TNFRSF10A: variants seen among roughly 807,000 people sequenced by gnomAD.
The protein encoded by TNFRSF10A is tumor necrosis factor receptor superfamily member 10A.
A neutral mutation model predicts 42.8 loss-of-function variants in TNFRSF10A; 44 were observed. The ratio of observed to expected loss-of-function variants is 1.03; its 90% CI spans 0.81 to 1.32. TNFRSF10A has a LOEUF of 1.32. Among genes scored for constraint, TNFRSF10A ranks in the 40% most tolerant of loss-of-function variants. TNFRSF10A has a pLI of 0.00. For synonymous variants in TNFRSF10A, 259 were observed against 234.2 expected (o/e 1.11, Z -0.97); for missense variants, 680 against 602.0 (o/e 1.13, Z -1.36).
intron 2 of TNFRSF10A, among the ~76,000 whole-genome samples, chr8:23,206,473 T>G (rs549070134): frequency 6.6e-6 from 1 of 152,366 alleles, no homozygotes; most frequent in South Asian, 2.1e-4. Flanking sequence ...TTCACATGTT[T>G]AGGAACTCAA....
chr8:23,214,748 G>T (rs1428087489), intron 1 of TNFRSF10A, among the ~76,000 whole-genome samples: 1 of 152,116 alleles, frequency 6.6e-6, no homozygotes, highest in Non-Finnish European at 1.5e-5. Flanking sequence ...ACATACACAC[G>T]CTTTTACTAA....
Position 23,190,851 on chromosome 8 carries a change from G to GT in TNFRSF10A, c.*842dup, listed in dbSNP as rs1184808383. On this transcript the variant is annotated 3_prime_UTR_variant, in exon 10 of 10. Transcript: ENST00000221132. Reference sequence around the variant, plus strand: ...CCTAAGACCCAGGGAAGCCGATGGTGTAATTCTTAGTTCAAGGCCAAAATC... The same window carrying GT: ...CCTAAGACCCAGGGAAGCCGATGGTGTTAATTCTTAGTTCAAGGCCAAAATC... 6.6e-6 allele frequency: 1 copy of GT among 152,254 alleles called. No individual in the cohort carries two copies. The highest frequency in any genetic ancestry group is 2.4e-5 in the African/African-American group (1 of 41,442). 9.4% of individuals were successfully genotyped at this position (152,254 alleles called of 1,614,324 possible). A position where few individuals can be genotyped will look rare whatever the true frequency, so the allele number is the denominator to read the frequency against.
chr8:23,211,377 G>A (rs999610374), intron 2 of TNFRSF10A, among the ~76,000 whole-genome samples: 2 of 152,072 alleles, frequency 1.3e-5, no homozygotes, highest in East Asian at 1.9e-4. Flanking sequence ...TGCAAACTAC[G>A]AAACATTATT....
At position 23,224,960 on chromosome 8, in the gene TNFRSF10A, G is replaced by T. The variant is rs1299524158; in HGVS notation, c.102C>A (p.Pro34=). The T allele has an allele frequency of 1.9e-6, 3 of 1,599,874 alleles. No individual in the cohort carries two copies. The stretch of plus-strand genomic sequence containing the variant: ...CCGCGGAAGAGCCCCACACTTTGCT[G>T]GGTGTGGCCGCGGCTGCCTCTGTCC... ...ASGTEAAAAT[P]SKVWGSSAGR... The change falls in exon 1 of 10, where the codon CCC becomes CCA. Residue 34 remains proline (P), a synonymous_variant. Transcript: ENST00000221132.
At chr8:23,192,141 T>G in intron 9 of TNFRSF10A, 128 bp from the exon 10 acceptor site, 1 of 1,453,088 alleles carries the variant, frequency 6.9e-7, no homozygotes, top group Admixed American at 2.3e-5. Context: ...GCAAACCTGT[T>G]GCTCCATTGC....
chr8:23,223,382 G>A (rs1801284002), intron 1 of TNFRSF10A, among the ~76,000 whole-genome samples: 1 of 152,172 alleles, frequency 6.6e-6, no homozygotes, highest in South Asian at 2.1e-4. Flanking sequence ...TTCTTTTATA[G>A]CCACACCAAC....
rs1182411403 is a variant in TNFRSF10A, at chr8:23,224,823, C to A, written c.239G>T (p.Arg80Leu). The A allele has an allele frequency of 1.1e-5, 17 of 1,565,874 alleles. No homozygotes were observed. The highest frequency in any genetic ancestry group is 2.4e-5 in the East Asian group (1 of 42,258). The change falls in exon 1 of 10, where the codon CGG becomes CTG. Residue 80 changes from arginine to leucine, a missense_variant. Transcript: ENST00000221132. ...AGRAPGPRPA[R>L]EASPRLRVHK... ...GACCCGGAGCCGAGGGCTGGCTTCCCGCGCCGGCCTGGGTCCTGGGGCGCG... is the reference window on the plus strand; with the variant it reads ...GACCCGGAGCCGAGGGCTGGCTTCCAGCGCCGGCCTGGGTCCTGGGGCGCG...
intron 1 of TNFRSF10A, among the ~76,000 whole-genome samples, 191 bp from the exon 2 acceptor site, chr8:23,212,403 C>T (rs1409751757): frequency 6.6e-6 from 1 of 152,252 alleles, no homozygotes; most frequent in Non-Finnish European, 1.5e-5. Flanking sequence ...CCTGTGGCAA[C>T]TACCATTCTA....
chr8:23,191,566 C>G lies in TNFRSF10A; in HGVS notation c.*128G>C. 1.5e-6 allele frequency: 2 copies of G among 1,354,568 alleles called. No homozygotes were observed. Among genetic ancestry groups the G allele is most frequent in the East Asian group, 5.0e-5 (2 of 39,688 alleles). The allele number at this position is 1,354,568 out of a possible 1,614,324, so 83.9% of individuals were successfully genotyped here. A position where few individuals can be genotyped will look rare whatever the true frequency, so the allele number is the denominator to read the frequency against. On this transcript the variant is annotated 3_prime_UTR_variant, in exon 10 of 10. Transcript: ENST00000221132. ...CCACCCGCCTCAGCCTCCCAAAGTGCTGGGATTACAGGCATGAGCCACTAC... is the reference window on the plus strand; with the variant it reads ...CCACCCGCCTCAGCCTCCCAAAGTGGTGGGATTACAGGCATGAGCCACTAC...
intron 1 of TNFRSF10A, among the ~76,000 whole-genome samples, chr8:23,219,097 G>C (rs567822283): frequency 6.2e-4 from 95 of 152,280 alleles, no homozygotes; most frequent in African/African-American, 2.1e-3. Flanking sequence ...CTGGAGGTGG[G>C]GGGTGGGGGA....
At position 23,200,533 on chromosome 8, in the gene TNFRSF10A, C is replaced by G. The variant is rs753247347; in HGVS notation, c.771G>C (p.Val257=). The G allele has an allele frequency of 1.9e-6, 3 of 1,614,100 alleles. No individual in the cohort carries two copies. Among genetic ancestry groups the G allele is most frequent in the Non-Finnish European group, 1.7e-6 (2 of 1,180,040 alleles). ...AGCCGATGCAACAACAGACAATCAG[C>G]ACAGCCACCAACAGCAACGGAACAA... ...TLVVPLLLVA[V]LIVCCCIGSG... Residue 257 remains valine, a synonymous_variant, in exon 6 of 10, where the codon GTG becomes GTC. Transcript: ENST00000221132.
chr8:23,210,102 G>T (rs1436771490), intron 2 of TNFRSF10A, among the ~76,000 whole-genome samples: 1 of 152,158 alleles, frequency 6.6e-6, no homozygotes. Flanking sequence ...TTTGCTTGCT[G>T]CCATCCAAGT....
At chr8:23,201,021 A>G (rs550356242) in intron 4 of TNFRSF10A, among the ~76,000 whole-genome samples, 50 of 152,162 alleles carry the variant, frequency 3.3e-4, no homozygotes, top group African/African-American at 1.0e-3. Context: ...GGCACACACT[A>G]ATCTTCCCTG....
Position 23,224,884 on chromosome 8 carries a change from C to G in TNFRSF10A, c.178G>C (p.Gly60Arg), listed in dbSNP as rs563273963. 3.7e-5 allele frequency: 59 copies of G among 1,587,170 alleles called. No homozygotes were observed. In the East Asian group the frequency reaches 4.6e-4, roughly 12 times the overall value. Residue 60 changes from glycine (G) to arginine (R), a missense_variant, in exon 1 of 10, where the codon GGA becomes CGA. Gly to Arg is a moderately radical substitution (Grantham distance 125). Transcript: ENST00000221132. ...GGRGALPTSMGQHGPSARARA... is the reference protein window; with the variant it reads ...GGRGALPTSMRQHGPSARARA... ...GCCCGGGCACTGGGTCCGTGCTGTC[C>G]CATGGAGGTAGGGAGCGCTCCTCGG... is the stretch of plus-strand genomic sequence containing the variant.
intron 9 of TNFRSF10A, among the ~76,000 whole-genome samples, chr8:23,193,718 G>C (rs756697644): frequency 6.6e-6 from 1 of 152,114 alleles, no homozygotes; most frequent in East Asian, 1.9e-4. Context: ...CACCCTGCCT[G>C]TTTCAGTCTG....
chr8:23,217,095 C>A (rs1289076628), intron 1 of TNFRSF10A, among the ~76,000 whole-genome samples: 2 of 152,168 alleles, frequency 1.3e-5, no homozygotes, highest in Non-Finnish European at 2.9e-5. Context: ...ATCGTTCTAT[C>A]AGTTGCTGAG....
At chr8:23,199,998 G>C (rs1005304429) in intron 6 of TNFRSF10A, 81 bp from the exon 7 acceptor site, 4 of 1,538,476 alleles carry the variant, frequency 2.6e-6, no homozygotes, top group Non-Finnish European at 3.6e-6. Flanking sequence ...TTGGGCAGGG[G>C]TGGGCTGGGG....
chr8:23,205,655 A>G lies in TNFRSF10A; in HGVS notation c.404-2894T>C, dbSNP rs28700578. 8.7e-3 allele frequency among the ~76,000 whole-genome samples: 1,316 copies of G among 151,966 alleles called. 15 individuals are homozygous for G. Among genetic ancestry groups the G allele is most frequent in the African/African-American group, 0.03 (1,259 of 41,450 alleles). ...CAACGCGACAAGATGTGGAGGTGAA[A>G]GACAGTGATGTTGATGAACCTGTCC... is the stretch of plus-strand genomic sequence containing the variant. On this transcript the variant is annotated intron_variant, in intron 2 of 9. Transcript: ENST00000221132.
Position 23,199,302 on chromosome 8 carries a change from G to A in TNFRSF10A, c.978C>T (p.Val326=). ...ESQEPADLTG[V]TVQSPGEAQC... ...GTGCCTCCCCTGGGGACTGTACAGT[G>A]ACACCTGTCAAATCTGCCGGCTCCT... is the stretch of plus-strand genomic sequence containing the variant. The change falls in exon 8 of 10, where the codon GTC becomes GTT. Residue 326 remains valine (V), a synonymous_variant. Coordinates refer to ENST00000221132, the MANE Select transcript of TNFRSF10A (RefSeq NM_003844.4). 1 of 1,614,198 alleles carries A rather than the reference G, an allele frequency of 6.2e-7. No homozygotes were observed. Among genetic ancestry groups the A allele is most frequent in the East Asian group, 2.2e-5 (1 of 44,882 alleles).
Sources: gnomAD v4.1 joint callset for allele counts (sites outside exome capture counted in the v4.1 genomes callset) on GRCh38, gnomAD v4.1.1 for gene constraint, MANE v1.5 for transcripts, NCBI Gene and HGNC (gene_info 2026-07-23, HGNC 2026-07-21) for gene names.